Variants in SAMD5 observed in about 807,000 individuals in gnomAD.
SAMD5 encodes the protein sterile alpha motif domain containing 5.
SAMD5 carries 13 observed loss-of-function variants against 11.3 expected under a neutral mutation model. The ratio of observed to expected loss-of-function variants is 1.15; its 90% CI spans 0.75 to 1.83. The LOEUF is 1.83. Among genes scored for constraint, SAMD5 ranks in the 40% most tolerant of loss-of-function variants. The pLI, the probability that SAMD5 is intolerant of heterozygous loss-of-function variation, is 0.00. For missense variants in SAMD5, 255 were observed against 239.1 expected, an observed-to-expected ratio of 1.07 and a Z score of -0.44; for synonymous variants, 129 against 111.3, an observed-to-expected ratio of 1.16 and a Z score of -1.00.
At chr6:147,717,160 A>G (rs1265212560) in intron 1 of SAMD5, among the ~76,000 whole-genome samples, 1 of 152,210 alleles carries the variant, frequency 6.6e-6, no homozygotes, top group African/African-American at 2.4e-5. Flanking sequence ...CATAGCCTAT[A>G]CAGTACCTAG....
At chr6:147,656,623 T>C (rs1277139655) in intron 1 of SAMD5, among the ~76,000 whole-genome samples, 1 of 152,210 alleles carries the variant, frequency 6.6e-6, no homozygotes, top group Non-Finnish European at 1.5e-5. Flanking sequence ...TGTTCAAATC[T>C]TCTTCTCATT....
At chr6:147,909,632 C>CTTTCTTTCTCTTTCTTTCTT in the SAMD5 span, among the ~76,000 whole-genome samples, 1 of 61,160 alleles carries the variant, frequency 1.6e-5, no homozygotes, top group African/African-American at 1.2e-4. Context: ...TTCTTTCTTT[C>CTTTCTTTCTCTTTCTTTCTT]TCTTTCTTGT....
the SAMD5 span, among the ~76,000 whole-genome samples, chr6:147,945,550 C>A: frequency 6.6e-6 from 1 of 151,998 alleles, no homozygotes; most frequent in Non-Finnish European, 1.5e-5. Context: ...GAGGTGATGT[C>A]AGGGATATAG....
At chr6:147,538,168 C>T (rs1449017953) in intron 1 of SAMD5, among the ~76,000 whole-genome samples, 3 of 152,150 alleles carry the variant, frequency 2.0e-5, no homozygotes, top group Non-Finnish European at 4.4e-5. Context: ...GGCCCCATAA[C>T]AGTATCATTT....
chr6:147,875,667 G>A, the SAMD5 span, among the ~76,000 whole-genome samples: 4,957 of 152,026 alleles, frequency 0.033, 284 homozygotes, highest in African/African-American at 0.12. Flanking sequence ...TCGCAAAACC[G>A]CCTGAGCTCC....
chr6:147,528,833 A>G (rs1788384698), intron 1 of SAMD5, among the ~76,000 whole-genome samples: 1 of 152,216 alleles, frequency 6.6e-6, no homozygotes, highest in South Asian at 2.1e-4. Flanking sequence ...GAAAAGATGA[A>G]CATAAATCCA....
intron 1 of SAMD5, among the ~76,000 whole-genome samples, chr6:147,522,461 G>A (rs1788268853): frequency 2.0e-5 from 3 of 151,982 alleles, no homozygotes. Context: ...ATAATCGAGA[G>A]CTTTTTAAAC....
intron 1 of SAMD5, among the ~76,000 whole-genome samples, chr6:147,621,845 T>C (rs1321525901): frequency 6.6e-6 from 1 of 151,566 alleles, no homozygotes; most frequent in Non-Finnish European, 1.5e-5. Flanking sequence ...TTATTGAGCT[T>C]GGAACCAACT....
At chr6:147,678,579 A>T (rs1195660291) in intron 1 of SAMD5, among the ~76,000 whole-genome samples, 3 of 152,180 alleles carry the variant, frequency 2.0e-5, no homozygotes, top group African/African-American at 7.2e-5. Context: ...GTAGGCAGAA[A>T]GATGGGGGAC....
the SAMD5 span, among the ~76,000 whole-genome samples, chr6:147,875,235 C>T: frequency 6.6e-6 from 1 of 152,114 alleles, no homozygotes. Context: ...ACCTTAAAAA[C>T]AACCTTATTT....
intron 1 of SAMD5, among the ~76,000 whole-genome samples, chr6:147,726,832 A>G (rs1324012708): frequency 2.0e-5 from 3 of 152,206 alleles, no homozygotes; most frequent in African/African-American, 7.2e-5. Flanking sequence ...GGCTTGTTAT[A>G]ATCGCTGTAT....
At chr6:147,610,072 A>G (rs763386565) in intron 1 of SAMD5, among the ~76,000 whole-genome samples, 2 of 152,190 alleles carry the variant, frequency 1.3e-5, no homozygotes, top group African/African-American at 4.8e-5. Context: ...GCTGTGCTCT[A>G]TAAACAATGA....
chr6:147,555,843 A>G (rs1788846875), intron 1 of SAMD5, among the ~76,000 whole-genome samples: 1 of 152,164 alleles, frequency 6.6e-6, no homozygotes, highest in Non-Finnish European at 1.5e-5. Flanking sequence ...AATATCTACA[A>G]TTATTTATCT....
At chr6:147,921,044 TA>T in the SAMD5 span, among the ~76,000 whole-genome samples, 1 of 152,170 alleles carries the variant, frequency 6.6e-6, no homozygotes, top group African/African-American at 2.4e-5. Context: ...AATATTTCTT[TA>T]ATTCATTCCT....
At chr6:147,541,912 G>T (rs1434832905) in intron 1 of SAMD5, among the ~76,000 whole-genome samples, 1 of 152,096 alleles carries the variant, frequency 6.6e-6, no homozygotes, top group African/African-American at 2.4e-5. Flanking sequence ...TGGGGCTATA[G>T]ACAGACACCC....
At chr6:147,877,141 A>G in the SAMD5 span, among the ~76,000 whole-genome samples, 1 of 152,198 alleles carries the variant, frequency 6.6e-6, no homozygotes, top group South Asian at 2.1e-4. Context: ...TGTTTTGAGA[A>G]TAAAACAAGA....
the SAMD5 span, among the ~76,000 whole-genome samples, chr6:147,885,801 C>G: frequency 6.6e-6 from 1 of 152,194 alleles, no homozygotes; most frequent in Non-Finnish European, 1.5e-5. Context: ...GGTGATTATA[C>G]AGCAGCTGTA....
chr6:147,677,762 A>G (rs1301015454), intron 1 of SAMD5, among the ~76,000 whole-genome samples: 1 of 152,050 alleles, frequency 6.6e-6, no homozygotes, highest in Non-Finnish European at 1.5e-5. Context: ...TAGAGGGTGT[A>G]TGGTGGTTGC....
rs150366840 is a variant in SAMD5 at position 147,615,724 on chromosome 6, G to A, written c.162+106337G>A. Among the ~76,000 whole-genome samples the A allele has an allele frequency of 1.1e-3, 162 of 152,334 alleles. No individual in the cohort carries two copies. In the Middle Eastern group the frequency reaches 0.014, roughly 13 times the overall value. On this transcript the variant is annotated intron_variant, in intron 1 of 1. Transcript: ENST00000566741. ...TAGTTCTTTGGCATACGCCTGAAAT[G>A]TGGGTCGGTATAAACATATCTTCCT...
Sources: allele counts gnomAD v4.1 joint callset (sites outside exome capture counted in the v4.1 genomes callset), GRCh38; gene constraint gnomAD v4.1.1; transcripts MANE v1.5; gene names NCBI Gene and HGNC (gene_info 2026-07-23, HGNC 2026-07-21).